DDX10: variants seen among roughly 807,000 people sequenced by gnomAD.
DDX10 encodes the protein DEAD-box helicase 10, also known as probable ATP-dependent RNA helicase DDX10.
Under a neutral mutation model 104.3 loss-of-function variants are expected in DDX10, and 74 were observed. The observed-to-expected ratio is 0.71, with a 90% CI of 0.59 to 0.86. DDX10 has a LOEUF of 0.86. DDX10 is among the 40% of genes least tolerant of loss of function. The probability of loss-of-function intolerance (pLI) is 0.00; values close to 1 mark genes in which losing one functional copy is unlikely to be tolerated. For missense variants in DDX10, 952 were observed against 1,040.0 expected (o/e 0.92, Z 1.16); for synonymous variants, 351 against 353.4 (o/e 0.99, Z 0.08).
chr11:108,910,461 G>T (rs1481381060), intron 16 of DDX10, among the ~76,000 whole-genome samples: 1 of 152,156 alleles, frequency 6.6e-6, no homozygotes, highest in African/African-American at 2.4e-5. Context: ...CATCTTATTT[G>T]TGTTTCTTGC....
chr11:108,803,839 G>A (rs1356726425), intron 13 of DDX10, among the ~76,000 whole-genome samples: 1 of 152,146 alleles, frequency 6.6e-6, no homozygotes, highest in African/African-American at 2.4e-5. Flanking sequence ...AAATGCTCAT[G>A]TGTTAGAAAT....
chr11:108,755,033 G>A (rs149900046), intron 13 of DDX10, among the ~76,000 whole-genome samples: 1 of 152,148 alleles, frequency 6.6e-6, no homozygotes, highest in African/African-American at 2.4e-5. Context: ...AGATGCTGTC[G>A]ATGGGGAATA....
chr11:108,914,486 A>AC (rs930391078), intron 16 of DDX10, among the ~76,000 whole-genome samples: 1 of 152,200 alleles, frequency 6.6e-6, no homozygotes, highest in African/African-American at 2.4e-5. Flanking sequence ...CAGGATCAAA[A>AC]CAGATATAAG....
intron 17 of DDX10, among the ~76,000 whole-genome samples, chr11:108,931,319 A>G (rs187063784): frequency 1.3e-5 from 2 of 152,344 alleles, no homozygotes; most frequent in East Asian, 3.9e-4. Context: ...TAATCTCTCC[A>G]TGAGGTAGAT....
chr11:108,813,596 T>G (rs1862216316), intron 13 of DDX10, among the ~76,000 whole-genome samples: 1 of 152,176 alleles, frequency 6.6e-6, no homozygotes, highest in Non-Finnish European at 1.5e-5. Flanking sequence ...TTTGCCAGTT[T>G]TGTCTTTTAT....
At chr11:108,903,369 A>G (rs888315522) in intron 16 of DDX10, among the ~76,000 whole-genome samples, 4 of 152,106 alleles carry the variant, frequency 2.6e-5, no homozygotes, top group Non-Finnish European at 5.9e-5. Context: ...AGGCTCCTCC[A>G]TGTTGTAGCA....
chr11:108,899,473 A>G (rs1468599313), intron 16 of DDX10, among the ~76,000 whole-genome samples: 1 of 151,860 alleles, frequency 6.6e-6, no homozygotes, highest in African/African-American at 2.4e-5. Context: ...CATTAGAAAC[A>G]CTTCAAAGCA....
chr11:108,820,186 G>A (rs74681662), intron 13 of DDX10, among the ~76,000 whole-genome samples: 3 of 152,258 alleles, frequency 2.0e-5, no homozygotes, highest in Non-Finnish European at 2.9e-5. Context: ...AACATCTAGC[G>A]TGGTGTTTGG....
intron 13 of DDX10, among the ~76,000 whole-genome samples, chr11:108,777,469 C>T (rs181316425): frequency 5.3e-5 from 8 of 152,098 alleles, no homozygotes; most frequent in South Asian, 4.2e-4. Context: ...ATTACAGGCG[C>T]GTGCCACTGC....
chr11:108,834,570 C>T (rs892319086), intron 13 of DDX10, among the ~76,000 whole-genome samples: 15 of 152,054 alleles, frequency 9.9e-5, no homozygotes, highest in African/African-American at 3.1e-4. Context: ...TTTCCTAGTA[C>T]TTTTTGTTTA....
At chr11:108,925,969 C>T (rs1863903149) in intron 17 of DDX10, among the ~76,000 whole-genome samples, 1 of 152,044 alleles carries the variant, frequency 6.6e-6, no homozygotes, top group African/African-American at 2.4e-5. Flanking sequence ...ATAGCTGGAA[C>T]ATTAGGGACA....
chr11:108,681,591 G>C (rs2094235324), intron 6 of DDX10, among the ~76,000 whole-genome samples: 1 of 152,154 alleles, frequency 6.6e-6, no homozygotes, highest in Non-Finnish European at 1.5e-5. Flanking sequence ...CTCTCAAATT[G>C]TGAAGGACAC....
At chr11:108,695,718 A>G (rs1322137042) in intron 9 of DDX10, among the ~76,000 whole-genome samples, 11 of 148,984 alleles carry the variant, frequency 7.4e-5, no homozygotes, top group Admixed American at 4.7e-4. Flanking sequence ...TTAAAATTCT[A>G]TTTAATTTTC....
chr11:108,738,364 CAT>C (rs2094320874), intron 13 of DDX10, among the ~76,000 whole-genome samples: 1 of 151,480 alleles, frequency 6.6e-6, no homozygotes, highest in African/African-American at 2.4e-5. Flanking sequence ...TCTACTTACT[CAT>C]ATGTGTTTTA....
chr11:108,807,551 G>A (rs917085209), intron 13 of DDX10, among the ~76,000 whole-genome samples: 1 of 152,174 alleles, frequency 6.6e-6, no homozygotes, highest in African/African-American at 2.4e-5. Flanking sequence ...AATGCCTCAC[G>A]TGTGATAGAT....
intron 16 of DDX10, among the ~76,000 whole-genome samples, chr11:108,877,731 G>A (rs1863171853): frequency 6.6e-6 from 1 of 152,194 alleles, no homozygotes; most frequent in Non-Finnish European, 1.5e-5. Flanking sequence ...TGGGAATCCT[G>A]TGGAAGGCAC....
At chr11:108,880,563 A>G (rs140838079) in intron 16 of DDX10, among the ~76,000 whole-genome samples, 2 of 152,360 alleles carry the variant, frequency 1.3e-5, no homozygotes, top group African/African-American at 4.8e-5. Flanking sequence ...TAAATATGAT[A>G]GCAGATATAT....
intron 13 of DDX10, among the ~76,000 whole-genome samples, chr11:108,753,606 G>A (rs1244952113): frequency 1.3e-5 from 2 of 151,878 alleles, no homozygotes; most frequent in Non-Finnish European, 2.9e-5. Context: ...CGAATTCCTG[G>A]TTCAGAACAA....
At chr11:108,772,505 A>G (rs1259218529) in intron 13 of DDX10, among the ~76,000 whole-genome samples, 1 of 152,210 alleles carries the variant, frequency 6.6e-6, no homozygotes, top group Non-Finnish European at 1.5e-5. Flanking sequence ...AAAGAGGGAA[A>G]GAATTGGTTC....
Sources: allele counts gnomAD v4.1 joint callset (sites outside exome capture counted in the v4.1 genomes callset), GRCh38; gene constraint gnomAD v4.1.1; transcripts MANE v1.5; gene names NCBI Gene and HGNC (gene_info 2026-07-23, HGNC 2026-07-21).